The following TACR3 variants were observed in gnomAD, a reference collection of about 807,000 sequenced individuals.
TACR3 encodes the protein tachykinin receptor 3.
TACR3 carries 34 observed loss-of-function variants against 35.0 expected under a neutral mutation model. The observed-to-expected ratio is 0.97, with a 90% CI of 0.74 to 1.30. The LOEUF (loss-of-function observed/expected upper bound fraction) is 1.30. Ranked by LOEUF, TACR3 falls within the 50% of genes most tolerant of loss-of-function variation. The pLI, the probability that TACR3 is intolerant of heterozygous loss-of-function variation, is 0.00. For synonymous variants in TACR3, 233 were observed against 221.1 expected (o/e 1.05, Z -0.48); for missense variants, 558 against 591.7 (o/e 0.94, Z 0.59).
intron 3 of TACR3, among the ~76,000 whole-genome samples, chr4:103,655,395 C>T (rs565883565): frequency 6.6e-6 from 1 of 152,134 alleles, no homozygotes; most frequent in East Asian, 1.9e-4. Context: ...CAGTAGGATT[C>T]ATTCATCTTT....
intron 1 of TACR3, among the ~76,000 whole-genome samples, chr4:103,662,580 C>T (rs1175041004): frequency 6.6e-6 from 1 of 152,110 alleles, no homozygotes; most frequent in African/African-American, 2.4e-5. Context: ...GAGGACCCAA[C>T]ACCCAGTATC....
intron 1 of TACR3, among the ~76,000 whole-genome samples, chr4:103,687,940 G>C (rs1178523708): frequency 6.6e-6 from 1 of 152,110 alleles, no homozygotes; most frequent in Non-Finnish European, 1.5e-5. Context: ...GCATCGCCAA[G>C]TCAGTCCTAA....
At chr4:103,703,470 T>C (rs1648316556) in intron 1 of TACR3, among the ~76,000 whole-genome samples, 1 of 152,278 alleles carries the variant, frequency 6.6e-6, no homozygotes, top group African/African-American at 2.4e-5. Context: ...ATTCAATCCA[T>C]ATTCACCTCA....
At chr4:103,636,676 T>C (rs550691532) in intron 3 of TACR3, among the ~76,000 whole-genome samples, 83 of 151,722 alleles carry the variant, frequency 5.5e-4, no homozygotes, top group South Asian at 1.5e-3. Flanking sequence ...ATCAACAAAA[T>C]TGATAGACCG....
chr4:103,700,678 G>A (rs1280284817), intron 1 of TACR3, among the ~76,000 whole-genome samples: 2 of 152,120 alleles, frequency 1.3e-5, no homozygotes, highest in South Asian at 2.1e-4. Flanking sequence ...GACATCAAAT[G>A]TGTTTTTAAA....
chr4:103,625,585 G>T (rs1041910468), intron 3 of TACR3, among the ~76,000 whole-genome samples: 1 of 151,718 alleles, frequency 6.6e-6, no homozygotes, highest in African/African-American at 2.4e-5. Context: ...AGTAGGGGGT[G>T]GGGGGTTGTA....
chr4:103,618,013 C>A (rs760583958), intron 3 of TACR3, among the ~76,000 whole-genome samples: 1 of 152,078 alleles, frequency 6.6e-6, no homozygotes, highest in Non-Finnish European at 1.5e-5. Context: ...CCTAAAAATT[C>A]AGTGTCTATG....
chr4:103,599,312 GA>G (rs1245924452), intron 3 of TACR3, among the ~76,000 whole-genome samples: 1 of 152,190 alleles, frequency 6.6e-6, no homozygotes, highest in Non-Finnish European at 1.5e-5. Context: ...TTTGTATCCT[GA>G]GACTTTGCTG....
intron 3 of TACR3, among the ~76,000 whole-genome samples, chr4:103,619,435 C>T (rs1343308676): frequency 5.3e-5 from 8 of 152,140 alleles, no homozygotes; most frequent in Non-Finnish European, 8.8e-5. Flanking sequence ...AGTGATCTGC[C>T]CACCTCAGCC....
chr4:103,636,958 C>A (rs1418346057), intron 3 of TACR3, among the ~76,000 whole-genome samples: 1 of 151,968 alleles, frequency 6.6e-6, no homozygotes, highest in East Asian at 1.9e-4. Context: ...AGCTTACCAA[C>A]CAAAAAAAGT....
chr4:103,617,025 G>GACTT (rs1342389013), intron 3 of TACR3, among the ~76,000 whole-genome samples: 1 of 152,124 alleles, frequency 6.6e-6, no homozygotes, highest in Non-Finnish European at 1.5e-5. Flanking sequence ...AATTTTAACT[G>GACTT]ACTTACAGGA....
intron 3 of TACR3, among the ~76,000 whole-genome samples, chr4:103,637,882 G>A (rs1725233289): frequency 6.6e-6 from 1 of 152,016 alleles, no homozygotes. Context: ...AACTTACCAG[G>A]GATGTGAAGG....
At chr4:103,641,001 C>G (rs1725343938) in intron 3 of TACR3, among the ~76,000 whole-genome samples, 1 of 151,824 alleles carries the variant, frequency 6.6e-6, no homozygotes, top group Non-Finnish European at 1.5e-5. Flanking sequence ...TAAAGCTTTC[C>G]CCTTATTTTT....
chr4:103,599,922 TG>T (rs1196338594), intron 3 of TACR3, among the ~76,000 whole-genome samples: 16 of 152,316 alleles, frequency 1.1e-4, no homozygotes, highest in African/African-American at 3.9e-4. Flanking sequence ...TTCTCTTTTT[TG>T]GTTGTGTCTC....
chr4:103,603,546 C>A (rs1724264849), intron 3 of TACR3, among the ~76,000 whole-genome samples: 1 of 152,144 alleles, frequency 6.6e-6, no homozygotes, highest in African/African-American at 2.4e-5. Context: ...TGTATATGTG[C>A]CATATTTTCT....
chr4:103,717,383 A>G (rs924383244), intron 1 of TACR3, among the ~76,000 whole-genome samples: 5 of 152,146 alleles, frequency 3.3e-5, no homozygotes, highest in African/African-American at 1.2e-4. Flanking sequence ...GCTTTACACA[A>G]AGAAATAGTA....
chr4:103,625,892 A>T (rs1262582124), intron 3 of TACR3, among the ~76,000 whole-genome samples: 1 of 152,182 alleles, frequency 6.6e-6, no homozygotes, highest in Non-Finnish European at 1.5e-5. Context: ...CTGTAATCCA[A>T]AAATAACTGT....
At chr4:103,670,012 C>G (rs762475601) in intron 1 of TACR3, among the ~76,000 whole-genome samples, 4 of 151,926 alleles carry the variant, frequency 2.6e-5, no homozygotes, top group Admixed American at 6.6e-5. Context: ...AGATAGAGGT[C>G]TAGTTTCATT....
rs938158367 is a variant in TACR3, at chr4:103,705,203, T to C, written c.548+13925A>G. 2.8e-4 allele frequency among the ~76,000 whole-genome samples: 43 copies of C among 152,302 alleles called. 6 individuals are homozygous for C. The highest frequency in any genetic ancestry group is 2.5e-3 in the Admixed American group (39 of 15,298). ...CTCCTAAGAGATTTTTACCAATTTA[T>C]ATCCAAATGTTAGGATAAACTATAT... On this transcript the variant is annotated intron_variant, in intron 1 of 4. Transcript: ENST00000304883.
Sources: allele counts gnomAD v4.1 joint callset (sites outside exome capture counted in the v4.1 genomes callset), GRCh38; gene constraint gnomAD v4.1.1; transcripts MANE v1.5; gene names NCBI Gene and HGNC (gene_info 2026-07-23, HGNC 2026-07-21).